Variants in BBX observed in about 807,000 individuals in gnomAD.
The protein encoded by BBX is BBX high mobility group box domain containing.
Under a neutral mutation model 100.2 loss-of-function variants are expected in BBX, and 30 were observed. That is an observed-to-expected ratio of 0.30 (90% CI 0.22 to 0.41). BBX has a LOEUF of 0.41. Ranked by LOEUF, BBX falls within the 10% of genes least tolerant of loss-of-function variation. The pLI, the probability that BBX is intolerant of heterozygous loss-of-function variation, is 1.00. For synonymous variants in BBX, 376 were observed against 388.1 expected, an observed-to-expected ratio of 0.97 and a Z score of 0.37; for missense variants, 1,023 against 1,129.8, an observed-to-expected ratio of 0.91 and a Z score of 1.35.
chr3:107,593,828 C>A (rs951992437), intron 2 of BBX, among the ~76,000 whole-genome samples: 1 of 152,164 alleles, frequency 6.6e-6, no homozygotes, highest in Admixed American at 6.5e-5. Context: ...TAGTTTTATA[C>A]GGAAGCTGTA....
At chr3:107,586,584 C>T (rs111517009) in intron 2 of BBX, among the ~76,000 whole-genome samples, 1 of 152,202 alleles carries the variant, frequency 6.6e-6, no homozygotes, top group African/African-American at 2.4e-5. Context: ...TTTATGAGGC[C>T]ATGAAATATA....
intron 3 of BBX, among the ~76,000 whole-genome samples, chr3:107,670,761 G>T (rs935449512): frequency 2.0e-5 from 3 of 151,904 alleles, no homozygotes; most frequent in Admixed American, 6.6e-5. Flanking sequence ...TTAATGAGAG[G>T]ATCACTTTAA....
intron 15 of BBX, among the ~76,000 whole-genome samples, chr3:107,794,230 C>A (rs953192276): frequency 2.0e-5 from 3 of 151,954 alleles, no homozygotes; most frequent in Non-Finnish European, 4.4e-5. Context: ...TCAATTTCAT[C>A]TTAACAGCAT....
At chr3:107,746,620 A>AT (rs913422374) in intron 8 of BBX, among the ~76,000 whole-genome samples, 46 of 147,198 alleles carry the variant, frequency 3.1e-4, no homozygotes, top group African/African-American at 6.4e-4. Context: ...CTCTCTACTA[A>AT]TTTTTTTTTT....
chr3:107,786,682 A>G (rs2068462809), intron 13 of BBX, among the ~76,000 whole-genome samples: 1 of 152,196 alleles, frequency 6.6e-6, no homozygotes, highest in African/African-American at 2.4e-5. Context: ...AAGCTAAAAC[A>G]ATAAAACTTT....
intron 2 of BBX, among the ~76,000 whole-genome samples, chr3:107,595,682 G>A (rs1301426038): frequency 6.6e-6 from 1 of 152,110 alleles, no homozygotes; most frequent in Admixed American, 6.6e-5. Flanking sequence ...GTTTTGTATG[G>A]AACACGTATA....
At chr3:107,595,205 C>T (rs2053596681) in intron 2 of BBX, among the ~76,000 whole-genome samples, 1 of 152,202 alleles carries the variant, frequency 6.6e-6, no homozygotes, top group Admixed American at 6.5e-5. Context: ...CACTTAAATA[C>T]ATACGAGGTT....
chr3:107,626,835 A>G (rs2056216144), intron 2 of BBX, among the ~76,000 whole-genome samples: 1 of 151,854 alleles, frequency 6.6e-6, no homozygotes, highest in South Asian at 2.1e-4. Flanking sequence ...TTGTATTTTT[A>G]GTAGAGATGG....
chr3:107,799,956 G>A lies in BBX; in HGVS notation c.2552-1139G>A, dbSNP rs117136650. Among the ~76,000 whole-genome samples, 462 of 152,230 alleles carry A rather than the reference G, an allele frequency of 3.0e-3. 7 individuals carry two copies. The highest frequency in any genetic ancestry group is 0.02 in the East Asian group (102 of 5,184). The stretch of plus-strand genomic sequence containing the variant: ...TGCCTTTCTGCCTCTCAGCACCTCC[G>A]CAATTTTATTTTATGTGATTTGGGT... On this transcript the variant is annotated intron_variant, in intron 16 of 17. Coordinates refer to ENST00000325805, the MANE Select transcript of BBX (RefSeq NM_001142568.3).
intron 2 of BBX, among the ~76,000 whole-genome samples, chr3:107,595,021 T>C (rs1221922432): frequency 2.0e-5 from 3 of 152,196 alleles, no homozygotes; most frequent in African/African-American, 7.2e-5. Flanking sequence ...ACAGGAATCA[T>C]AGAACAGAGC....
intron 2 of BBX, among the ~76,000 whole-genome samples, chr3:107,585,366 A>T (rs1370337354): frequency 6.6e-6 from 1 of 152,148 alleles, no homozygotes; most frequent in East Asian, 1.9e-4. Flanking sequence ...GTGGGGGTGA[A>T]ATTGACAGTA....
At chr3:107,623,971 G>A (rs566026035) in intron 2 of BBX, among the ~76,000 whole-genome samples, 23 of 152,306 alleles carry the variant, frequency 1.5e-4, no homozygotes, top group African/African-American at 5.5e-4. Flanking sequence ...AAACTCAAAT[G>A]TGGCAGAATT....
At position 107,781,559 on chromosome 3, in the gene BBX, T is replaced by G. The variant is rs541473040; in HGVS notation, c.2203+3040T>G. 1.7e-4 allele frequency among the ~76,000 whole-genome samples: 26 copies of G among 152,276 alleles called. No homozygotes were observed. In the South Asian group the frequency reaches 5.4e-3, roughly 32 times the overall value. On this transcript the variant is annotated intron_variant, in intron 13 of 17. Transcript: ENST00000325805. ...CTTTAAATTATATGTCTAAATTTAA[T>G]TGTAACTTCCTAAGAGATTTGTTTT... is the stretch of plus-strand genomic sequence containing the variant.
intron 6 of BBX, among the ~76,000 whole-genome samples, chr3:107,732,179 A>G (rs997933604): frequency 6.6e-6 from 1 of 152,042 alleles, no homozygotes; most frequent in Non-Finnish European, 1.5e-5. Context: ...TGGCCTCCCA[A>G]AGTGCTGGGA....
chr3:107,530,729 A>G (rs777502516), intron 2 of BBX, among the ~76,000 whole-genome samples: 3 of 152,256 alleles, frequency 2.0e-5, no homozygotes, highest in Non-Finnish European at 2.9e-5. Context: ...ACTGAGGTAT[A>G]TTATAAAAAA....
intron 4 of BBX, among the ~76,000 whole-genome samples, chr3:107,713,967 CTTTTTTTTT>C (rs569427270): frequency 3.5e-4 from 29 of 82,316 alleles, no homozygotes; most frequent in Middle Eastern, 0.01. Flanking sequence ...TAATTTTTTT[CTTTTTTTTT>C]TTTTTTTTTT....
intron 3 of BBX, among the ~76,000 whole-genome samples, chr3:107,697,152 C>T (rs1233382272): frequency 4.0e-5 from 6 of 151,656 alleles, no homozygotes; most frequent in Admixed American, 2.6e-4. Flanking sequence ...AATGTCCTCC[C>T]GTAGCTCGGA....
At chr3:107,651,719 G>A (rs1421076461) in intron 3 of BBX, among the ~76,000 whole-genome samples, 2 of 152,054 alleles carry the variant, frequency 1.3e-5, no homozygotes, top group African/African-American at 4.8e-5. Flanking sequence ...AAGTCAGGGA[G>A]TCCTAAGTCT....
At chr3:107,711,593 A>G (rs1211320011) in intron 4 of BBX, among the ~76,000 whole-genome samples, 1 of 152,138 alleles carries the variant, frequency 6.6e-6, no homozygotes, top group African/African-American at 2.4e-5. Flanking sequence ...TTTCACAGAG[A>G]AAATAGAGGC....
Sources: allele counts gnomAD v4.1 joint callset (sites outside exome capture counted in the v4.1 genomes callset), GRCh38; gene constraint gnomAD v4.1.1; transcripts MANE v1.5; gene names NCBI Gene and HGNC (gene_info 2026-07-23, HGNC 2026-07-21).